Variants in ADAMTS6 observed in about 807,000 individuals in gnomAD.
ADAMTS6 encodes the protein A disintegrin and metalloproteinase with thrombospondin motifs 6.
ADAMTS6 carries 23 observed loss-of-function variants against 144.3 expected under a neutral mutation model. That is an observed-to-expected ratio of 0.16 (90% confidence interval 0.11 to 0.23). The LOEUF is 0.23. ADAMTS6 is among the 10% of genes least tolerant of loss of function. The pLI is 1.00. For missense variants in ADAMTS6, 999 were observed against 1,379.6 expected, an observed-to-expected ratio of 0.72 and a Z score of 4.37; for synonymous variants, 444 against 457.5, an observed-to-expected ratio of 0.97 and a Z score of 0.38.
At chr5:65,274,191 T>A (rs1384366309) in intron 11 of ADAMTS6, among the ~76,000 whole-genome samples, 1 of 152,088 alleles carries the variant, frequency 6.6e-6, no homozygotes, top group Non-Finnish European at 1.5e-5. Context: ...ATAAAATACT[T>A]TTTTGTTAAT....
At chr5:65,235,244 G>C (rs951358292) in intron 15 of ADAMTS6, among the ~76,000 whole-genome samples, 2 of 152,190 alleles carry the variant, frequency 1.3e-5, no homozygotes, top group African/African-American at 4.8e-5. Context: ...AAATATGTGA[G>C]GTGACGGATA....
chr5:65,231,194 T>C (rs1248655810), intron 15 of ADAMTS6, among the ~76,000 whole-genome samples: 1 of 151,760 alleles, frequency 6.6e-6, no homozygotes, highest in Non-Finnish European at 1.5e-5. Context: ...TGGGAAAATA[T>C]ATTCCATGGA....
intron 7 of ADAMTS6, among the ~76,000 whole-genome samples, chr5:65,450,470 C>T (rs1009228635): frequency 2.0e-5 from 3 of 152,110 alleles, no homozygotes; most frequent in African/African-American, 4.8e-5. Flanking sequence ...ACAGATGAAA[C>T]GTATGTTAAA....
Position 65,370,721 on chromosome 5 carries a change from C to T in ADAMTS6, c.1074-36636G>A, listed in dbSNP as rs1365152674. Among the ~76,000 whole-genome samples the T allele has an allele frequency of 2.6e-5, 4 of 152,332 alleles. No homozygotes were observed. In the East Asian group the frequency reaches 5.8e-4, roughly 22 times the overall value. On this transcript the variant is annotated intron_variant, in intron 7 of 24. Coordinates refer to ENST00000381055, the MANE Select transcript of ADAMTS6 (RefSeq NM_197941.4). Reference sequence around the variant, plus strand: ...GGAGGGGCGCCCACCATTGCCCAGGCTTGCTTAGGTAAACAAAGCAGAGGG... The same window carrying T: ...GGAGGGGCGCCCACCATTGCCCAGGTTTGCTTAGGTAAACAAAGCAGAGGG...
chr5:65,353,604 A>G (rs986486380), intron 7 of ADAMTS6, among the ~76,000 whole-genome samples: 15 of 152,092 alleles, frequency 9.9e-5, no homozygotes, highest in African/African-American at 3.6e-4. Context: ...CATTTGGAAA[A>G]AGCTTAAATG....
intron 8 of ADAMTS6, among the ~76,000 whole-genome samples, chr5:65,330,728 A>T (rs74868989): frequency 0.045 from 6,846 of 152,066 alleles, 298 homozygotes; most frequent in African/African-American, 0.11. Context: ...TTGCTAATAG[A>T]TCGTTTGCTT....
At chr5:65,434,316 T>C (rs534662862) in intron 7 of ADAMTS6, among the ~76,000 whole-genome samples, 32 of 152,234 alleles carry the variant, frequency 2.1e-4, no homozygotes, top group Non-Finnish European at 1.5e-5. Flanking sequence ...TAAAATTAAT[T>C]GTGGTGATGG....
intron 7 of ADAMTS6, among the ~76,000 whole-genome samples, chr5:65,378,755 C>G (rs146755557): frequency 6.6e-6 from 1 of 152,284 alleles, no homozygotes; most frequent in African/African-American, 2.4e-5. Context: ...GGATATATAT[C>G]ATTTGCTTGT....
rs567474193 is a variant in ADAMTS6, at chr5:65,270,591, A to C, written c.1620+2749T>G. 2.6e-5 allele frequency among the ~76,000 whole-genome samples: 4 copies of C among 152,154 alleles called. No homozygotes were observed. In the East Asian group the frequency reaches 7.7e-4, roughly 29 times the overall value. On this transcript the variant is annotated intron_variant, in intron 12 of 24. Coordinates refer to ENST00000381055, the MANE Select transcript of ADAMTS6 (RefSeq NM_197941.4). ...ATCCTTTTCCTTTCTAGGAATCTGCATTTGTATTTTTTTCATTCATTTATT... is the reference window on the plus strand; with the variant it reads ...ATCCTTTTCCTTTCTAGGAATCTGCCTTTGTATTTTTTTCATTCATTTATT...
Position 65,206,613 on chromosome 5 carries a change from T to TTGCTTGAAC in ADAMTS6, c.2575+8172_2575+8180dup, listed in dbSNP as rs1377966715. 1.7e-3 allele frequency among the ~76,000 whole-genome samples: 250 copies of TTGCTTGAAC among 149,190 alleles called. 2 individuals carry two copies. Among genetic ancestry groups the TTGCTTGAAC allele is most frequent in the African/African-American group, 5.8e-3 (234 of 40,202 alleles). On this transcript the variant is annotated intron_variant, in intron 20 of 24. Transcript: ENST00000381055. ...TACTCGGGAGTCTGAGGCAGGGGAA[T>TTGCTTGAAC]TGCTTGAACCAGGAAGGTGGAAGTT...
chr5:65,158,547 T>C (rs559223064), intron 24 of ADAMTS6, among the ~76,000 whole-genome samples: 1 of 151,760 alleles, frequency 6.6e-6, no homozygotes, highest in African/African-American at 2.4e-5. Flanking sequence ...GCATGAAAGA[T>C]GAATAAAATG....
intron 7 of ADAMTS6, among the ~76,000 whole-genome samples, chr5:65,364,483 G>A (rs540438607): frequency 1.5e-3 from 228 of 151,836 alleles, no homozygotes; most frequent in Non-Finnish European, 2.4e-3. Flanking sequence ...GAAACACAGC[G>A]CTGGTAACAC....
At chr5:65,261,351 T>C (rs1561344975) in intron 13 of ADAMTS6, among the ~76,000 whole-genome samples, 2 of 152,166 alleles carry the variant, frequency 1.3e-5, no homozygotes, top group Admixed American at 6.6e-5. Context: ...GGGAAAACCA[T>C]TGCTATTATT....
intron 24 of ADAMTS6, among the ~76,000 whole-genome samples, chr5:65,161,768 A>G (rs750547456): frequency 1.3e-5 from 2 of 152,240 alleles, no homozygotes; most frequent in Non-Finnish European, 2.9e-5. Context: ...CATTCCATAT[A>G]TGCTATTGGG....
intron 8 of ADAMTS6, among the ~76,000 whole-genome samples, chr5:65,330,121 C>T (rs1327082971): frequency 1.3e-5 from 2 of 151,986 alleles, no homozygotes; most frequent in Non-Finnish European, 2.9e-5. Context: ...CGTTTTTCCT[C>T]TCTCCTATCC....
In ADAMTS6 at chr5:65,230,458, T is replaced by C. The variant is rs13160432; in HGVS notation, c.1934-4239A>G. On this transcript the variant is annotated intron_variant, in intron 15 of 24. Transcript: ENST00000381055. ...CATGATATATATGAAATATATATAA[T>C]ACATGATATATATGAAATATATATA... Among the ~76,000 whole-genome samples the C allele has an allele frequency of 2.2e-4, 3 of 13,732 alleles. No individual in the cohort carries two copies. In the East Asian group the frequency reaches 4.5e-3, roughly 20 times the overall value. The allele number at this position is 13,732 out of a possible 152,430, so 9.0% of individuals were successfully genotyped here. A position where few individuals can be genotyped will look rare whatever the true frequency, so the allele number is the denominator to read the frequency against.
In ADAMTS6 at chr5:65,426,982, A is replaced by C. The variant is rs552749189; in HGVS notation, c.1073+24493T>G. Among the ~76,000 whole-genome samples the C allele has an allele frequency of 1.2e-4, 19 of 152,280 alleles. 1 individual carries two copies. The South Asian group carries it at 3.3e-3, about 27-fold the overall frequency. On this transcript the variant is annotated intron_variant, in intron 7 of 24. Coordinates refer to ENST00000381055, the MANE Select transcript of ADAMTS6 (RefSeq NM_197941.4). ...ATCACACTAAACAGAAACAGAACAA[A>C]CTTTACAGCTGAAAGATTGAGGTTG...
chr5:65,398,049 G>C (rs551779498), intron 7 of ADAMTS6, among the ~76,000 whole-genome samples: 2 of 152,172 alleles, frequency 1.3e-5, no homozygotes, highest in Non-Finnish European at 2.9e-5. Flanking sequence ...CCCAGAATGT[G>C]GTCTGTCTTG....
chr5:65,244,502 C>T (rs1440188507), intron 14 of ADAMTS6, among the ~76,000 whole-genome samples: 1 of 152,082 alleles, frequency 6.6e-6, no homozygotes, highest in East Asian at 1.9e-4. Context: ...CATTTCATGA[C>T]ATTTTTGATC....
Sources: allele counts gnomAD v4.1 joint callset (sites outside exome capture counted in the v4.1 genomes callset), GRCh38; gene constraint gnomAD v4.1.1; transcripts MANE v1.5; gene names NCBI Gene and HGNC (gene_info 2026-07-23, HGNC 2026-07-21).